Variants in HEATR5A observed in about 807,000 individuals in gnomAD.
The protein encoded by HEATR5A is HEAT repeat-containing protein 5A.
Under a neutral mutation model 218.8 loss-of-function variants are expected in HEATR5A, and 178 were observed. That is an observed-to-expected ratio of 0.81 (90% CI 0.72 to 0.92). The LOEUF (loss-of-function observed/expected upper bound fraction) is 0.92, where lower values mean the gene tolerates loss of function less well. HEATR5A is among the 40% of genes least tolerant of loss of function. The pLI, the probability that HEATR5A is intolerant of heterozygous loss-of-function variation, is 0.00. For synonymous variants in HEATR5A, 864 were observed against 871.6 expected, an observed-to-expected ratio of 0.99 and a Z score of 0.15; for missense variants, 2,420 against 2,418.9, an observed-to-expected ratio of 1.00 and a Z score of -0.01.
chr14:31,303,101 AC>A (rs1483545131), intron 32 of HEATR5A, among the ~76,000 whole-genome samples: 1 of 150,058 alleles, frequency 6.7e-6, no homozygotes, highest in Non-Finnish European at 1.5e-5. Flanking sequence ...ACAGAGTGAG[AC>A]CCTGTCTAAA....
At chr14:31,401,047 G>C (rs2030860049) in intron 2 of HEATR5A, among the ~76,000 whole-genome samples, 1 of 152,000 alleles carries the variant, frequency 6.6e-6, no homozygotes, top group Non-Finnish European at 1.5e-5. Context: ...CACGGTGTTA[G>C]CCAGGATGGT....
rs1038741562 is a variant in HEATR5A at position 31,306,762 on chromosome 14, G to A, written c.4936C>T (p.His1646Tyr). ...VRQIICAAQE[H>Y]VKEKRRSAEV... ...GCACTTCGTCTTTTTTCCTTCACAT[G>A]TTCTTGAGCAGCACAGATAATCTGC... The change falls in exon 31 of 36, where the codon CAT (histidine) becomes TAT (tyrosine). Residue 1646 changes from histidine to tyrosine, a missense_variant. Coordinates refer to ENST00000543095, the MANE Select transcript of HEATR5A (RefSeq NM_015473.4). 2 of 1,611,410 alleles carry A rather than the reference G, an allele frequency of 1.2e-6. No homozygotes were observed. Among genetic ancestry groups the A allele is most frequent in the Admixed American group, 1.7e-5 (1 of 59,496 alleles).
At chr14:31,350,140 A>G (rs1901169077) in intron 17 of HEATR5A, among the ~76,000 whole-genome samples, 161 bp from the exon 18 acceptor site, 1 of 152,208 alleles carries the variant, frequency 6.6e-6, no homozygotes, top group Admixed American at 6.5e-5. Flanking sequence ...ATACAAATAT[A>G]ATTTCATTTT....
chr14:31,294,630 C>T (rs1444693179), intron 34 of HEATR5A, among the ~76,000 whole-genome samples: 1 of 151,914 alleles, frequency 6.6e-6, no homozygotes, highest in African/African-American at 2.4e-5. Context: ...AGGCTGGTCT[C>T]GAACTCCTGA....
chr14:31,299,848 T>C (rs1444247915), intron 33 of HEATR5A, among the ~76,000 whole-genome samples: 1 of 149,772 alleles, frequency 6.7e-6, no homozygotes, highest in African/African-American at 2.5e-5. Context: ...CTGACCAACA[T>C]GGTGAAACCG....
At chr14:31,315,247 T>C (rs76575670) in intron 27 of HEATR5A, among the ~76,000 whole-genome samples, 2,093 of 152,284 alleles carry the variant, frequency 0.014, 40 homozygotes, top group East Asian at 0.063. Context: ...TATATGTAGA[T>C]TCATTATAAA....
rs1427290105 is a variant in HEATR5A at position 31,293,353 on chromosome 14, CTT to C, written c.6091_6092del (p.Lys2031GlufsTer22). 1.1e-5 allele frequency: 17 copies of C among 1,609,224 alleles called. No homozygotes were observed. Among genetic ancestry groups the C allele is most frequent in the African/African-American group, 1.3e-5 (1 of 74,508 alleles). ...KVKIPTSKYT[K>X]SPGKNSSIQL... ...GGATGCTTGAGTTTTTTCCAGGACTCTTAGTATATTTAGATGTTGGTATCTTG... is the reference window on the plus strand; with the variant it reads ...GGATGCTTGAGTTTTTTCCAGGACTCAGTATATTTAGATGTTGGTATCTTG... On this transcript the variant is annotated frameshift_variant, in exon 36 of 36. Transcript: ENST00000543095. LOFTEE classifies it high-confidence loss of function.
At chr14:31,410,165 T>C (rs2031224654) in intron 1 of HEATR5A, among the ~76,000 whole-genome samples, 1 of 152,200 alleles carries the variant, frequency 6.6e-6, no homozygotes, top group Admixed American at 6.5e-5. Context: ...ACCTGAAGTG[T>C]TGGGATACGT....
intron 1 of HEATR5A, among the ~76,000 whole-genome samples, chr14:31,417,202 A>G (rs1472531452): frequency 6.6e-6 from 1 of 152,208 alleles, no homozygotes; most frequent in Non-Finnish European, 1.5e-5. Context: ...TACCAGATCT[A>G]AATTAAAACT....
chr14:31,347,796 A>G lies in HEATR5A; in HGVS notation c.2820T>C (p.Ile940=), dbSNP rs1901071372. The G allele has an allele frequency of 1.2e-6, 2 of 1,612,274 alleles. No homozygotes were observed. Among genetic ancestry groups the G allele is most frequent in the East Asian group, 4.5e-5 (2 of 44,832 alleles). The change falls in exon 19 of 36, where the codon ATT becomes ATC. Residue 940 remains isoleucine (I), a synonymous_variant. Coordinates refer to ENST00000543095, the MANE Select transcript of HEATR5A (RefSeq NM_015473.4). ...CCTGCGCCAAAGTATAAAGGATTCC[A>G]ATACAAGAATTTAGGTGTTGAGAAG... ...ISSSQHLNSC[I]GILYTLAQDS...
rs545187218 is a variant in HEATR5A at position 31,337,170 on chromosome 14, T to C, written c.3367+306A>G. On this transcript the variant is annotated intron_variant, in intron 22 of 35. Coordinates refer to ENST00000543095, the MANE Select transcript of HEATR5A (RefSeq NM_015473.4). ...AACATAGGGACTGTAAAAATACAGATTTAAAAATACAGATTGCCAGGTAAT... is the reference window on the plus strand; with the variant it reads ...AACATAGGGACTGTAAAAATACAGACTTAAAAATACAGATTGCCAGGTAAT... 7.9e-4 allele frequency among the ~76,000 whole-genome samples: 121 copies of C among 152,304 alleles called. 1 individual carries two copies. The highest frequency in any genetic ancestry group is 2.9e-3 in the East Asian group (15 of 5,184).
intron 32 of HEATR5A, among the ~76,000 whole-genome samples, chr14:31,303,219 G>A (rs1317023625): frequency 6.6e-6 from 1 of 152,116 alleles, no homozygotes; most frequent in Non-Finnish European, 1.5e-5. Flanking sequence ...TAGATCATGA[G>A]GTCAGGAGTT....
chr14:31,363,820 A>G (rs914831002), intron 14 of HEATR5A, among the ~76,000 whole-genome samples: 4 of 152,154 alleles, frequency 2.6e-5, no homozygotes, highest in Admixed American at 2.6e-4. Context: ...GTCTCTAACG[A>G]AAATACAAAA....
intron 4 of HEATR5A, among the ~76,000 whole-genome samples, chr14:31,397,949 A>G (rs571790650): frequency 1.3e-5 from 2 of 152,196 alleles, no homozygotes; most frequent in Admixed American, 6.5e-5. Context: ...TACCATGTCC[A>G]TGTTTTTATA....
Position 31,323,649 on chromosome 14 carries a change from T to C in HEATR5A, c.3703A>G (p.Arg1235Gly). 2 of 1,613,370 alleles carry C rather than the reference T, an allele frequency of 1.2e-6. No individual in the cohort carries two copies. The highest frequency in any genetic ancestry group is 1.7e-6 in the Non-Finnish European group (2 of 1,179,416). The stretch of plus-strand genomic sequence containing the variant: ...GCATTCTCACATTGGTTAATTATCC[T>C]ACAGACACATTCAGCAGCAAAGACT... ...TRVFAAECVC[R>G]IINQCENANS... The change falls in exon 24 of 36, where the codon AGG becomes GGG. Residue 1235 changes from arginine to glycine, a missense_variant. Transcript: ENST00000543095.
In HEATR5A at chr14:31,316,016, G is replaced by T. The variant is rs1035102151; in HGVS notation, c.4039-67C>A. 3.6e-5 allele frequency: 45 copies of T among 1,262,340 alleles called. No individual in the cohort carries two copies. The African/African-American group carries it at 6.0e-4, about 17-fold the overall frequency. The allele number at this position is 1,262,340 out of a possible 1,614,324, so 78.2% of individuals were successfully genotyped here. A position where few individuals can be genotyped will look rare whatever the true frequency, so the allele number is the denominator to read the frequency against. Reference sequence around the variant, plus strand: ...GTATCTCCCTTGGCTGGGTGTGGTGGCTCATGCCTGTAATCCCAGCACTTT... The same window carrying T: ...GTATCTCCCTTGGCTGGGTGTGGTGTCTCATGCCTGTAATCCCAGCACTTT... On this transcript the variant is annotated intron_variant, in intron 26 of 35. Transcript: ENST00000543095.
intron 21 of HEATR5A, 100 bp downstream of exon 21, chr14:31,343,796 A>G: frequency 1.0e-6 from 1 of 979,204 alleles, no homozygotes; most frequent in Non-Finnish European, 1.4e-6. Context: ...TATAACACAT[A>G]ACTTTGTACA....
intron 22 of HEATR5A, among the ~76,000 whole-genome samples, chr14:31,332,263 C>G (rs1401719908): frequency 6.6e-6 from 1 of 152,220 alleles, no homozygotes; most frequent in African/African-American, 2.4e-5. Context: ...GTGCCACAAA[C>G]TATGCCCACG....
At chr14:31,354,465 T>C (rs553536712) in intron 16 of HEATR5A, among the ~76,000 whole-genome samples, 2 of 152,268 alleles carry the variant, frequency 1.3e-5, no homozygotes, top group South Asian at 4.1e-4. Flanking sequence ...GAATACACTA[T>C]TAACTAATCA....
Sources: gnomAD v4.1 joint callset for allele counts (sites outside exome capture counted in the v4.1 genomes callset) on GRCh38, gnomAD v4.1.1 for gene constraint, MANE v1.5 for transcripts, NCBI Gene and HGNC (gene_info 2026-07-23, HGNC 2026-07-21) for gene names.